The following ITPR1 variants were observed in gnomAD, a reference collection of about 807,000 sequenced individuals.
ITPR1 encodes inositol 1,4,5-trisphosphate-gated calcium channel ITPR1.
In ITPR1, 96 loss-of-function variants were observed where a neutral mutation model predicts 318.4. The observed-to-expected ratio is 0.30, with a 90% CI of 0.26 to 0.36. The LOEUF (loss-of-function observed/expected upper bound fraction) is 0.36, where lower values mean the gene tolerates loss of function less well. Ranked by LOEUF, ITPR1 falls within the 10% of genes least tolerant of loss-of-function variation. ITPR1 has a pLI of 1.00. For synonymous variants in ITPR1, 1,312 were observed against 1,289.9 expected (o/e 1.02, Z -0.37); for missense variants, 2,440 against 3,460.2 (o/e 0.71, Z 7.40).
intron 44 of ITPR1, among the ~76,000 whole-genome samples, chr3:4,758,334 G>T (rs2045167790): frequency 6.6e-6 from 1 of 152,178 alleles, no homozygotes; most frequent in Admixed American, 6.5e-5. Flanking sequence ...GTGCTGGACT[G>T]CTCCCCCGCA....
At chr3:4,663,251 C>T in intron 16 of ITPR1, 45 bp downstream of exon 16, 2 of 1,561,938 alleles carry the variant, frequency 1.3e-6, no homozygotes, top group South Asian at 2.4e-5. Flanking sequence ...TATGAGAAAT[C>T]ATAAAGCATG....
intron 4 of ITPR1, among the ~76,000 whole-genome samples, chr3:4,559,350 T>C (rs1338593840): frequency 6.6e-6 from 1 of 152,170 alleles, no homozygotes; most frequent in Non-Finnish European, 1.5e-5. Flanking sequence ...ATGCATTAAT[T>C]TGATTAAAAA....
Position 4,661,041 on chromosome 3 carries a change from C to G in ITPR1, c.1205C>G (p.Thr402Arg), listed in dbSNP as rs1559635739. The G allele has an allele frequency of 6.2e-7, 1 of 1,611,044 alleles. No individual in the cohort carries two copies. Among genetic ancestry groups the G allele is most frequent in the Non-Finnish European group, 8.5e-7 (1 of 1,177,374 alleles). Residue 402 changes from threonine to arginine, a missense_variant, in exon 14 of 62, where the codon ACA becomes AGA. This residue lies in a region of ITPR1 where 101 missense variants were observed against 119.6 expected (regional missense o/e 0.84). Coordinates refer to ENST00000649015, the MANE Select transcript of ITPR1 (RefSeq NM_001378452.1). Reference sequence around the variant, plus strand: ...TGTACTAATACCTGGGTTCACAGCACAAATATTCCTATTGACAAGGAAGAA... The same window carrying G: ...TGTACTAATACCTGGGTTCACAGCAGAAATATTCCTATTGACAAGGAAGAA... ...HLCTNTWVHS[T>R]NIPIDKEEEK...
chr3:4,576,720 G>T lies in ITPR1; in HGVS notation c.164-51043G>T, dbSNP rs1468246260. 1.3e-5 allele frequency among the ~76,000 whole-genome samples: 2 copies of T among 152,160 alleles called. 1 individual carries two copies. The highest frequency in any genetic ancestry group is 2.9e-5 in the Non-Finnish European group (2 of 68,026). ...TTTTATTTGCAGGTTCCTTCAGAAC[G>T]AAGTCAATATTTAAATGAAAATATA... On this transcript the variant is annotated intron_variant, in intron 4 of 61. Transcript: ENST00000649015.
At chr3:4,793,632 G>A (rs1270358435) in intron 52 of ITPR1, among the ~76,000 whole-genome samples, 1 of 152,188 alleles carries the variant, frequency 6.6e-6, no homozygotes, top group Non-Finnish European at 1.5e-5. Flanking sequence ...GCTACGTAGT[G>A]GTTGACTGGG....
In ITPR1 at chr3:4,738,136, G is replaced by A. The variant is rs1009105506; in HGVS notation, c.5544+2782G>A. 9.2e-5 allele frequency among the ~76,000 whole-genome samples: 14 copies of A among 152,118 alleles called. No homozygotes were observed. The East Asian group carries it at 2.5e-3, about 27-fold the overall frequency. ...CTAGGTTTAATACCAGAGTGGTGAAGCAATCTATGTGATAAACCCCAGTGA... is the reference window on the plus strand; with the variant it reads ...CTAGGTTTAATACCAGAGTGGTGAAACAATCTATGTGATAAACCCCAGTGA... On this transcript the variant is annotated intron_variant, in intron 44 of 61. Transcript: ENST00000649015.
rs921350161 is a variant in ITPR1 at position 4,826,489 on chromosome 3, C to T, written c.8028+8247C>T. On this transcript the variant is annotated intron_variant, in intron 60 of 61. Transcript: ENST00000649015. This position sits in a 1 kb window ranked among gnomAD's most constrained non-coding sequence, Gnocchi z 4.2. ...CAGGGAGGAGTGAAGAGGGATTTGG[C>T]ACTGGCTTCCCGGTGGCTGGAAACA... Among the ~76,000 whole-genome samples the T allele has an allele frequency of 6.6e-6, 1 of 152,176 alleles. No homozygotes were observed. The highest frequency in any genetic ancestry group is 6.5e-5 in the Admixed American group (1 of 15,276).
chr3:4,832,858 C>A (rs912524895), intron 60 of ITPR1, among the ~76,000 whole-genome samples: 1 of 152,202 alleles, frequency 6.6e-6, no homozygotes, highest in Non-Finnish European at 1.5e-5. Context: ...GCCTCTCCAC[C>A]ACCACTGAGG....
chr3:4,591,680 T>A (rs893232385), intron 4 of ITPR1, among the ~76,000 whole-genome samples: 2 of 152,242 alleles, frequency 1.3e-5, no homozygotes, highest in African/African-American at 4.8e-5. Context: ...TTTGATAGGG[T>A]GTGGAAGACT....
In ITPR1 at chr3:4,840,453, GT is replaced by G. The variant is rs959018733; in HGVS notation, c.8190+3526del. Reference sequence around the variant, plus strand: ...ACAAAAATTGCTCCATTACTTAGAGGTTTTTTTTGTTTTGTTGTTGTTGTTG... The same window carrying G: ...ACAAAAATTGCTCCATTACTTAGAGGTTTTTTTGTTTTGTTGTTGTTGTTG... On this transcript the variant is annotated intron_variant, in intron 61 of 61. Transcript: ENST00000649015. 2.0e-5 allele frequency among the ~76,000 whole-genome samples: 3 copies of G among 151,922 alleles called. No homozygotes were observed. In the East Asian group the frequency reaches 5.8e-4, roughly 29 times the overall value.
intron 51 of ITPR1, among the ~76,000 whole-genome samples, chr3:4,784,887 C>A (rs1194836786): frequency 1.3e-5 from 2 of 151,680 alleles, no homozygotes; most frequent in Non-Finnish European, 2.9e-5. Context: ...ACAGAGCAAG[C>A]TGTCTCAAAA....
chr3:4,610,963 TC>T (rs1303505761), intron 4 of ITPR1, among the ~76,000 whole-genome samples: 8 of 45,938 alleles, frequency 1.7e-4, no homozygotes, highest in African/African-American at 9.8e-5. Flanking sequence ...CCCTTCCCCT[TC>T]CCCCTTCCCC....
chr3:4,598,812 A>G (rs1216710256), intron 4 of ITPR1, among the ~76,000 whole-genome samples: 2 of 152,172 alleles, frequency 1.3e-5, no homozygotes, highest in Admixed American at 6.5e-5. Flanking sequence ...GTTTCAATTC[A>G]GGTGCAATTT....
chr3:4,702,938 C>T lies in ITPR1; in HGVS notation c.4645C>T (p.Leu1549=). ...KASVESCIRV[L]SDVAKSRAIA... The stretch of plus-strand genomic sequence containing the variant: ...CTCCGTGGAGAGCTGTATTCGGGTG[C>T]TGTCTGATGTAGGTAAGATACCAAG... The change falls in exon 36 of 62, where the codon CTG becomes TTG. Residue 1549 remains leucine, a synonymous_variant. Transcript: ENST00000649015. The T allele has an allele frequency of 6.2e-7, 1 of 1,613,788 alleles. No individual in the cohort carries two copies. The highest frequency in any genetic ancestry group is 1.7e-5 in the Admixed American group (1 of 60,014).
rs142342508 is a variant in ITPR1 at position 4,794,266 on chromosome 3, G to C, written c.6809-799G>C. Among the ~76,000 whole-genome samples the C allele has an allele frequency of 5.9e-5, 9 of 152,302 alleles. 1 individual carries two copies. The South Asian group carries it at 1.7e-3, about 28-fold the overall frequency. The stretch of plus-strand genomic sequence containing the variant: ...TGTTGTTCTAAGACTGAGAATGCCC[G>C]GCCAGCGTGGGATAACCTGTGGGCA... On this transcript the variant is annotated intron_variant, in intron 52 of 61. Transcript: ENST00000649015.
intron 21 of ITPR1, among the ~76,000 whole-genome samples, chr3:4,673,821 AGCCG>A (rs1205636267): frequency 1.6e-4 from 25 of 152,216 alleles, no homozygotes; most frequent in Middle Eastern, 3.4e-3. Flanking sequence ...TGACCTTGTG[AGCCG>A]TCCACCTCGG....
chr3:4,762,217 AGGCCTTGTAACTAGCTCCAT>A (rs1417910173), intron 44 of ITPR1, among the ~76,000 whole-genome samples: 15 of 152,154 alleles, frequency 9.9e-5, no homozygotes, highest in African/African-American at 3.6e-4. Flanking sequence ...TTGCCCAGGT[AGGCCTTGTAACTAGCTCCAT>A]GGGTTTTTGG....
chr3:4,789,060 G>T (rs1281794895), intron 52 of ITPR1, among the ~76,000 whole-genome samples: 4 of 152,120 alleles, frequency 2.6e-5, no homozygotes, highest in Non-Finnish European at 5.9e-5. Context: ...CCTAGATCAG[G>T]CTAATGGCAG....
chr3:4,573,023 A>G (rs2088193513), intron 4 of ITPR1, among the ~76,000 whole-genome samples: 1 of 152,080 alleles, frequency 6.6e-6, no homozygotes, highest in South Asian at 2.1e-4. Context: ...CTACCTTTTG[A>G]CGATTGGGAT....
Sources: gnomAD v4.1 joint callset for allele counts (sites outside exome capture counted in the v4.1 genomes callset) on GRCh38, gnomAD v4.1.1 for gene constraint, gnomAD v4.1.1 regional missense constraint, Gnocchi (gnomAD v3.1) non-coding constraint, MANE v1.5 for transcripts, NCBI Gene and HGNC (gene_info 2026-07-23, HGNC 2026-07-21) for gene names.